The following TENM1 variants were observed in gnomAD, a reference collection of about 807,000 sequenced individuals.
TENM1 encodes teneurin-1.
In TENM1, 35 loss-of-function variants were observed where a neutral mutation model predicts 174.8. That is an observed-to-expected ratio of 0.20 (90% CI 0.15 to 0.27). The LOEUF (loss-of-function observed/expected upper bound fraction) is 0.27. Ranked by LOEUF, TENM1 falls within the 10% of genes least tolerant of loss-of-function variation. The probability of loss-of-function intolerance (pLI) is 1.00; values close to 1 mark genes in which losing one functional copy is unlikely to be tolerated. For missense variants in TENM1, 1,633 were observed against 2,130.1 expected (o/e 0.77, Z 4.59); for synonymous variants, 781 against 798.7 (o/e 0.98, Z 0.37).
chrX:125,084,175 A>T, the TENM1 span, among the ~76,000 whole-genome samples: 1 of 109,875 alleles, frequency 9.1e-6, no homozygotes, highest in African/African-American at 3.3e-5. Context: ...CTCCTGACAC[A>T]CATGCACAGG....
intron 22 of TENM1, among the ~76,000 whole-genome samples, chrX:124,457,069 C>G (rs1038892771): frequency 8.9e-6 from 1 of 111,771 alleles, no homozygotes; most frequent in Non-Finnish European, 1.9e-5. Flanking sequence ...AAGGTTAGGC[C>G]GTGATGCAAG....
intron 1 of TENM1, among the ~76,000 whole-genome samples, chrX:124,935,450 C>T (rs1379212326): frequency 2.7e-5 from 3 of 111,610 alleles, no homozygotes; most frequent in African/African-American, 9.8e-5. Flanking sequence ...CCCTTCTAAC[C>T]CCTTATTTGA....
intron 3 of TENM1, among the ~76,000 whole-genome samples, chrX:124,886,546 TATAGAGAG>T (rs1450476351): frequency 5.1e-4 from 39 of 76,066 alleles, no homozygotes; most frequent in Non-Finnish European, 8.9e-4. Context: ...TATATATATA[TATAGAGAG>T]AGAGAGAGAG....
chrX:125,196,688 C>A, the TENM1 span, among the ~76,000 whole-genome samples: 2 of 111,485 alleles, frequency 1.8e-5, no homozygotes, highest in African/African-American at 6.5e-5. Flanking sequence ...TATTTATACA[C>A]CTCTATATTT....
the TENM1 span, among the ~76,000 whole-genome samples, chrX:125,189,643 T>C: frequency 4.2e-4 from 47 of 112,060 alleles, 1 homozygote; most frequent in South Asian, 0.01. Context: ...CTTCCTTCAG[T>C]TCTCAGCCTC....
At chrX:124,662,420 C>A (rs1309667042) in intron 6 of TENM1, among the ~76,000 whole-genome samples, 1 of 99,748 alleles carries the variant, frequency 1.0e-5, no homozygotes, top group Non-Finnish European at 2.0e-5. Context: ...CGCCATTGCA[C>A]TGCAGCCTGG....
chrX:125,117,446 C>T, the TENM1 span, among the ~76,000 whole-genome samples: 1 of 111,262 alleles, frequency 9.0e-6, no homozygotes, highest in Admixed American at 9.6e-5. Context: ...CAAACTAACA[C>T]AGGAACAGAA....
At chrX:124,650,592 G>A (rs1163258524) in intron 8 of TENM1, among the ~76,000 whole-genome samples, 1 of 111,408 alleles carries the variant, frequency 9.0e-6, no homozygotes, top group Admixed American at 9.6e-5. Context: ...TAGGAAGACA[G>A]AAAGTCTTCA....
chrX:124,633,505 G>A (rs986485354), intron 11 of TENM1, among the ~76,000 whole-genome samples: 5 of 111,449 alleles, frequency 4.5e-5, no homozygotes, highest in Non-Finnish European at 3.8e-5. Flanking sequence ...ATGGTATAAC[G>A]TGTGGTTTTA....
chrX:125,026,200 G>GA, the TENM1 span, among the ~76,000 whole-genome samples: 24,346 of 97,585 alleles, frequency 0.25, 3,386 homozygotes, highest in African/African-American at 0.51. Flanking sequence ...AAAGGCAAAG[G>GA]AAAAAAAAAA....
intron 3 of TENM1, among the ~76,000 whole-genome samples, chrX:124,748,293 T>C (rs912368933): frequency 9.0e-6 from 1 of 110,821 alleles, no homozygotes; most frequent in African/African-American, 3.3e-5. Flanking sequence ...TTGTGTATCA[T>C]AGGGCTTTCT....
At chrX:124,582,660 C>G (rs2049353482) in intron 11 of TENM1, among the ~76,000 whole-genome samples, 1 of 111,931 alleles carries the variant, frequency 8.9e-6, no homozygotes, top group Admixed American at 9.4e-5. Context: ...GTTCATCTCA[C>G]TAGGGAGTGC....
At chrX:124,690,484 AGTGTGTGTGTGTGTGTGTGTGTGT>A (rs58386633) in intron 5 of TENM1, among the ~76,000 whole-genome samples, 8 of 93,490 alleles carry the variant, frequency 8.6e-5, no homozygotes, top group Admixed American at 8.3e-4. Flanking sequence ...GCTTTGTTAG[AGTGTGTGTGTGTGTGTGTGTGTGT>A]GTGTGTGTGT....
chrX:124,751,537 A>T (rs754756244), intron 3 of TENM1, among the ~76,000 whole-genome samples: 2 of 109,612 alleles, frequency 1.8e-5, no homozygotes, highest in Middle Eastern at 4.6e-3. Context: ...CATGTGCACA[A>T]TGTGCAGGTT....
intron 3 of TENM1, among the ~76,000 whole-genome samples, chrX:124,812,386 A>G (rs1416000912): frequency 8.9e-6 from 1 of 111,793 alleles, no homozygotes; most frequent in African/African-American, 3.2e-5. Flanking sequence ...GTCAGGAAAG[A>G]AAAGAAACAA....
At chrX:124,507,026 C>G (rs200767224) in intron 18 of TENM1, among the ~76,000 whole-genome samples, 2 of 111,247 alleles carry the variant, frequency 1.8e-5, no homozygotes, top group Non-Finnish European at 3.8e-5. Flanking sequence ...TTGTCTATCA[C>G]GTCTGATCAT....
Position 124,923,219 on chromosome X carries a change from C to A in TENM1, c.218-26978G>T, listed in dbSNP as rs1291565713. 3.9e-4 allele frequency among the ~76,000 whole-genome samples: 43 copies of A among 111,037 alleles called. 1 individual carries two copies. Among genetic ancestry groups the A allele is most frequent in the Non-Finnish European group, 3.8e-5 (2 of 52,824 alleles). On this transcript the variant is annotated intron_variant, in intron 1 of 31. Transcript: ENST00000422452. ...TAAATATTTGTTTATGGAATGAATC[C>A]CTCTAGGTTCTATTTTAATGCTTTT...
chrX:124,738,699 C>T (rs2053733575), intron 3 of TENM1, among the ~76,000 whole-genome samples: 1 of 112,067 alleles, frequency 8.9e-6, no homozygotes, highest in Non-Finnish European at 1.9e-5. Context: ...AAATACTTAA[C>T]ATCTCATTAA....
At chrX:124,665,108 C>T (rs1433032664) in intron 6 of TENM1, among the ~76,000 whole-genome samples, 2 of 111,673 alleles carry the variant, frequency 1.8e-5, no homozygotes, top group Admixed American at 9.5e-5. Flanking sequence ...GAGGCCGAGG[C>T]GGGCAGATCA....
Sources: gnomAD v4.1 joint callset for allele counts (sites outside exome capture counted in the v4.1 genomes callset) on GRCh38, gnomAD v4.1.1 for gene constraint, MANE v1.5 for transcripts, NCBI Gene and HGNC (gene_info 2026-07-23, HGNC 2026-07-21) for gene names.